PLEK2: variants seen among roughly 807,000 people sequenced by gnomAD.
The protein encoded by PLEK2 is pleckstrin 2.
In PLEK2, 29 loss-of-function variants were observed where a neutral mutation model predicts 43.8. That is an observed-to-expected ratio of 0.66 (90% CI 0.49 to 0.90). The LOEUF is 0.90. Ranked by LOEUF, PLEK2 falls within the 40% of genes least tolerant of loss-of-function variation. The pLI is 0.00. For missense variants in PLEK2, 398 were observed against 448.1 expected (o/e 0.89, Z 1.01); for synonymous variants, 162 against 173.2 (o/e 0.94, Z 0.51).
chr14:67,399,076 AG>A (rs2086029841), intron 1 of PLEK2, among the ~76,000 whole-genome samples: 1 of 152,262 alleles, frequency 6.6e-6, no homozygotes, highest in South Asian at 2.1e-4. Flanking sequence ...ATTCCTAGAA[AG>A]AATATTACTA....
At chr14:67,408,661 G>A (rs1014479295) in intron 1 of PLEK2, among the ~76,000 whole-genome samples, 38 of 152,094 alleles carry the variant, frequency 2.5e-4, no homozygotes, top group African/African-American at 9.2e-4. Context: ...GAATGCCAAG[G>A]GTTGCCTGCA....
At chr14:67,395,276 G>A (rs1200458281) in intron 3 of PLEK2, 126 bp downstream of exon 3, 1 of 767,112 alleles carries the variant, frequency 1.3e-6, no homozygotes, top group Non-Finnish European at 2.1e-6. Flanking sequence ...TGAAGGCCCT[G>A]AAGCACCGTG....
chr14:67,395,603 G>A lies in PLEK2; in HGVS notation c.208-20C>T. On this transcript the variant is annotated intron_variant, in intron 2 of 8. Coordinates refer to ENST00000216446, the MANE Select transcript of PLEK2 (RefSeq NM_016445.3). ...GAGGAGCTGTGGGAAGAGAGAGCCA[G>A]TCAGGCCAGCACTCAGGCAGAGCAA... is the stretch of plus-strand genomic sequence containing the variant. 4.3e-6 allele frequency: 7 copies of A among 1,612,610 alleles called. No individual in the cohort carries two copies. Among genetic ancestry groups the A allele is most frequent in the Non-Finnish European group, 5.1e-6 (6 of 1,178,800 alleles).
At chr14:67,404,056 T>A (rs2086064209) in intron 1 of PLEK2, among the ~76,000 whole-genome samples, 1 of 151,190 alleles carries the variant, frequency 6.6e-6, no homozygotes, top group African/African-American at 2.4e-5. Flanking sequence ...GCCAAAAAAA[T>A]TTTTGAAAGA....
intron 1 of PLEK2, among the ~76,000 whole-genome samples, chr14:67,398,591 C>T (rs187651181): frequency 1.6e-3 from 221 of 137,456 alleles, no homozygotes; most frequent in African/African-American, 5.9e-3. Context: ...ACCACCTAAA[C>T]GACCCTTCTC....
chr14:67,412,151 CGGCGCCCA>C lies in PLEK2; in HGVS notation c.-100_-93del, dbSNP rs1314299043. The C allele has an allele frequency of 8.5e-7, 1 of 1,172,604 alleles. No homozygotes were observed. The highest frequency in any genetic ancestry group is 1.6e-5 in the African/African-American group (1 of 61,576). 72.6% of individuals were successfully genotyped at this position (1,172,604 alleles called of 1,614,324 possible). On this transcript the variant is annotated 5_prime_UTR_variant, in exon 1 of 9. Transcript: ENST00000216446. ...GCGCAGCCCGCGCAGTCCGCGCCCA[CGGCGCCCA>C]GGAAGCAGCTCCGACGCGGCAGGGC...
chr14:67,390,636 C>G (rs776539309), intron 7 of PLEK2, 27 bp downstream of exon 7: 1 of 1,520,210 alleles, frequency 6.6e-7, no homozygotes, highest in African/African-American at 1.4e-5. Context: ...AACATGGGAC[C>G]AACATGGAGC....
chr14:67,408,158 T>C (rs917030376), intron 1 of PLEK2, among the ~76,000 whole-genome samples: 11 of 151,880 alleles, frequency 7.2e-5, no homozygotes, highest in Non-Finnish European at 1.5e-4. Flanking sequence ...TGGTGGTGCA[T>C]GCCTGTAATC....
intron 7 of PLEK2, 88 bp downstream of exon 7, chr14:67,390,575 T>C: frequency 1.1e-6 from 1 of 926,992 alleles, no homozygotes; most frequent in Non-Finnish European, 1.8e-6. Context: ...GAAGGCAGGA[T>C]ATCCAGCCAG....
chr14:67,411,754 C>A (rs1303562978), intron 1 of PLEK2, among the ~76,000 whole-genome samples: 1 of 152,240 alleles, frequency 6.6e-6, no homozygotes, highest in African/African-American at 2.4e-5. Flanking sequence ...AAGACACACG[C>A]TTCAGTACCC....
At chr14:67,387,600 C>G in intron 8 of PLEK2, 144 bp from the exon 9 acceptor site, 1 of 849,232 alleles carries the variant, frequency 1.2e-6, no homozygotes, top group East Asian at 3.1e-5. Context: ...TTAGAGAATC[C>G]TATCAGATGA....
rs2085930531 is a variant in PLEK2, at chr14:67,387,071, G to A, written c.*258C>T. On this transcript the variant is annotated 3_prime_UTR_variant, in exon 9 of 9. Transcript: ENST00000216446. ...AACCTACTTTGGTGCCCGAGGAAAT[G>A]GCTGTTTGTGATGCTGGGGAAAAGT... 2 of 309,000 alleles carry A rather than the reference G, an allele frequency of 6.5e-6. No homozygotes were observed. The highest frequency in any genetic ancestry group is 1.2e-5 in the Non-Finnish European group (2 of 169,344). 19.1% of individuals were successfully genotyped at this position (309,000 alleles called of 1,614,324 possible).
intron 1 of PLEK2, among the ~76,000 whole-genome samples, chr14:67,401,427 G>A (rs909721908): frequency 9.2e-5 from 14 of 152,036 alleles, no homozygotes; most frequent in African/African-American, 3.4e-4. Flanking sequence ...TGGGAGGATT[G>A]CTGGGGCCCA....
chr14:67,389,297 G>A (rs1595654348), intron 7 of PLEK2, among the ~76,000 whole-genome samples: 1 of 152,128 alleles, frequency 6.6e-6, no homozygotes, highest in South Asian at 2.1e-4. Context: ...ATCCGCCCCA[G>A]CCTGGAGGGT....
intron 4 of PLEK2, 142 bp from the exon 5 acceptor site, chr14:67,392,991 T>A (rs2085980456): frequency 1.2e-6 from 1 of 869,164 alleles, no homozygotes; most frequent in African/African-American, 1.7e-5. Context: ...ACCTGCTGCA[T>A]AGAGCCGTGG....
intron 1 of PLEK2, among the ~76,000 whole-genome samples, chr14:67,403,028 A>T (rs139034521): frequency 4.6e-4 from 70 of 152,314 alleles, no homozygotes; most frequent in Non-Finnish European, 7.8e-4. Context: ...ACTAATTTAC[A>T]TTCTCACCAA....
chr14:67,404,141 GA>G (rs2086064690), intron 1 of PLEK2, among the ~76,000 whole-genome samples: 1 of 152,104 alleles, frequency 6.6e-6, no homozygotes, highest in Admixed American at 6.6e-5. Flanking sequence ...TGAAAAAAAT[GA>G]AAAATAATCT....
At chr14:67,405,469 G>A (rs954888541) in intron 1 of PLEK2, among the ~76,000 whole-genome samples, 9 of 152,086 alleles carry the variant, frequency 5.9e-5, no homozygotes, top group Admixed American at 5.2e-4. Flanking sequence ...ATCCAGTGGG[G>A]AAGACAGACA....
Position 67,395,399 on chromosome 14 carries a change from C to T in PLEK2, c.389+3G>A. ...CACAGAGCCCGGCAAGTGGGGCACT[C>T]ACTGCAGGCTGATGTGCGGGGGCAG... On this transcript the variant is annotated splice_donor_region_variant and intron_variant, in intron 3 of 8. Transcript: ENST00000216446. 1 of 1,613,156 alleles carries T rather than the reference C, an allele frequency of 6.2e-7. No individual in the cohort carries two copies. Among genetic ancestry groups the T allele is most frequent in the Non-Finnish European group, 8.5e-7 (1 of 1,179,458 alleles).
Sources: allele counts gnomAD v4.1 joint callset (sites outside exome capture counted in the v4.1 genomes callset), GRCh38; gene constraint gnomAD v4.1.1; transcripts MANE v1.5; gene names NCBI Gene and HGNC (gene_info 2026-07-23, HGNC 2026-07-21).